DPF3: variants seen among roughly 807,000 people sequenced by gnomAD.
The protein encoded by DPF3 is zinc finger protein DPF3.
In DPF3, 18 loss-of-function variants were observed where a neutral mutation model predicts 56.8. That is an observed-to-expected ratio of 0.32 (90% CI 0.22 to 0.47). The LOEUF (loss-of-function observed/expected upper bound fraction) is 0.47, where lower values mean the gene tolerates loss of function less well. Ranked by LOEUF, DPF3 falls within the 20% of genes least tolerant of loss-of-function variation. The pLI is 1.00. For synonymous variants in DPF3, 188 were observed against 180.2 expected (o/e 1.04, Z -0.35); for missense variants, 403 against 488.8 (o/e 0.82, Z 1.65).
At chr14:72,734,832 G>A (rs141241842) in intron 3 of DPF3, among the ~76,000 whole-genome samples, 5 of 152,288 alleles carry the variant, frequency 3.3e-5, no homozygotes, top group African/African-American at 1.2e-4. Flanking sequence ...TCTTATTAGT[G>A]GTTGACAGGC....
intron 1 of DPF3, among the ~76,000 whole-genome samples, chr14:72,829,888 G>A (rs555292279): frequency 9.9e-5 from 15 of 152,114 alleles, no homozygotes; most frequent in East Asian, 3.9e-4. Flanking sequence ...GATTACAGGC[G>A]CCTGCTACCA....
chr14:72,806,524 C>A (rs1458350408), intron 1 of DPF3, among the ~76,000 whole-genome samples: 1 of 152,226 alleles, frequency 6.6e-6, no homozygotes, highest in Non-Finnish European at 1.5e-5. Flanking sequence ...CACCTCCACA[C>A]TCATTACCTC....
chr14:72,795,650 T>C (rs1189704052), intron 1 of DPF3, among the ~76,000 whole-genome samples: 1 of 152,192 alleles, frequency 6.6e-6, no homozygotes, highest in African/African-American at 2.4e-5. Context: ...CAGCAAATAC[T>C]ACCAGGCCCT....
chr14:72,801,129 C>T (rs904461045), intron 1 of DPF3, among the ~76,000 whole-genome samples: 1 of 152,194 alleles, frequency 6.6e-6, no homozygotes, highest in African/African-American at 2.4e-5. Flanking sequence ...AAAGCTGGCC[C>T]TAAAAGGCAG....
chr14:72,613,972 T>G lies in DPF3; in HGVS notation c.*5325A>C, dbSNP rs1883917333. The stretch of plus-strand genomic sequence containing the variant: ...GCACCCCCATCTTCCTCTCCCCTCC[T>G]TCCCCCTGCCCCACTCTCAGCTGTC... On this transcript the variant is annotated 3_prime_UTR_variant, in exon 11 of 11. Coordinates refer to ENST00000556509, the MANE Select transcript of DPF3 (RefSeq NM_001280542.3). Among the ~76,000 whole-genome samples, 1 of 151,892 alleles carries G rather than the reference T, an allele frequency of 6.6e-6. No individual in the cohort carries two copies. The highest frequency in any genetic ancestry group is 1.5e-5 in the Non-Finnish European group (1 of 67,964).
intron 8 of DPF3, among the ~76,000 whole-genome samples, chr14:72,632,456 G>A (rs1885221615): frequency 6.6e-6 from 1 of 151,960 alleles, no homozygotes; most frequent in African/African-American, 2.4e-5. Context: ...AATATATTTT[G>A]TAACTTCCTA....
chr14:72,655,236 G>T (rs570721509), intron 8 of DPF3, among the ~76,000 whole-genome samples: 2 of 152,046 alleles, frequency 1.3e-5, no homozygotes, highest in East Asian at 3.8e-4. Context: ...AAAGAATGCC[G>T]ATCACTTCTT....
chr14:72,748,105 G>A (rs1318124777), intron 3 of DPF3, among the ~76,000 whole-genome samples: 1 of 152,266 alleles, frequency 6.6e-6, no homozygotes, highest in Non-Finnish European at 1.5e-5. Context: ...CTCAGAAGAA[G>A]ACAGCGAAAT....
At chr14:72,838,990 G>A (rs1474558065) in intron 1 of DPF3, among the ~76,000 whole-genome samples, 4 of 135,522 alleles carry the variant, frequency 3.0e-5, no homozygotes, top group East Asian at 2.2e-4. Flanking sequence ...GCATGATCTC[G>A]GCTCACTGCA....
intron 4 of DPF3, among the ~76,000 whole-genome samples, chr14:72,725,885 G>T (rs896526032): frequency 1.3e-5 from 2 of 152,154 alleles, no homozygotes; most frequent in Non-Finnish European, 2.9e-5. Context: ...CTCAAAACAG[G>T]TCTAGTAAAT....
chr14:72,847,584 T>G (rs1329123621), intron 1 of DPF3, among the ~76,000 whole-genome samples: 1 of 151,892 alleles, frequency 6.6e-6, no homozygotes, highest in African/African-American at 2.4e-5. Context: ...CAATCTGGGC[T>G]CACTACAACC....
At chr14:72,739,816 T>C (rs76870463) in intron 3 of DPF3, among the ~76,000 whole-genome samples, 1,616 of 152,308 alleles carry the variant, frequency 0.011, 29 homozygotes, top group African/African-American at 0.037. Flanking sequence ...CTACTATGTA[T>C]CGACTCTGTT....
intron 3 of DPF3, among the ~76,000 whole-genome samples, chr14:72,745,976 A>G (rs1289090869): frequency 6.6e-6 from 1 of 152,204 alleles, no homozygotes; most frequent in Admixed American, 6.5e-5. Context: ...GAGCCTCTGG[A>G]AGTTGGGCAG....
chr14:72,667,059 C>T (rs1886472705), intron 8 of DPF3, among the ~76,000 whole-genome samples: 1 of 152,048 alleles, frequency 6.6e-6, no homozygotes, highest in Non-Finnish European at 1.5e-5. Context: ...AGTCTGTAGC[C>T]CATTAGATGC....
chr14:72,760,910 C>T (rs879371277), intron 2 of DPF3, among the ~76,000 whole-genome samples: 2 of 151,738 alleles, frequency 1.3e-5, no homozygotes, highest in Non-Finnish European at 2.9e-5. Context: ...TAATATTAAT[C>T]AAAAGAGAGC....
intron 3 of DPF3, among the ~76,000 whole-genome samples, chr14:72,732,590 C>T (rs1394290312): frequency 6.6e-6 from 1 of 152,210 alleles, no homozygotes; most frequent in Admixed American, 6.5e-5. Context: ...CCCGGATGAG[C>T]AGAGTGGCCA....
Position 72,822,856 on chromosome 14 carries a change from C to G in DPF3, c.33-50963G>C, listed in dbSNP as rs1398537078. On this transcript the variant is annotated intron_variant, in intron 1 of 10. Transcript: ENST00000556509. ...CTTTATATGTTGAAGTCCTAACCCCCCTACAGGTTGAACATCCCAAATTCA... is the reference window on the plus strand; with the variant it reads ...CTTTATATGTTGAAGTCCTAACCCCGCTACAGGTTGAACATCCCAAATTCA... Among the ~76,000 whole-genome samples the G allele has an allele frequency of 2.0e-5, 3 of 152,100 alleles. No individual in the cohort carries two copies. The East Asian group carries it at 5.8e-4, about 29-fold the overall frequency.
intron 2 of DPF3, among the ~76,000 whole-genome samples, chr14:72,758,117 T>C (rs143929425): frequency 6.6e-6 from 1 of 152,220 alleles, no homozygotes; most frequent in African/African-American, 2.4e-5. Flanking sequence ...ACAATGCAAA[T>C]ATTTTACACA....
At chr14:72,697,056 CA>C (rs1228154215) in intron 6 of DPF3, among the ~76,000 whole-genome samples, 38 of 29,468 alleles carry the variant, frequency 1.3e-3, no homozygotes. Flanking sequence ...GACCTTTGTT[CA>C]GTTATTAGCA....
Sources: gnomAD v4.1 joint callset for allele counts (sites outside exome capture counted in the v4.1 genomes callset) on GRCh38, gnomAD v4.1.1 for gene constraint, MANE v1.5 for transcripts, NCBI Gene and HGNC (gene_info 2026-07-23, HGNC 2026-07-21) for gene names.